The following DNAH14 variants were observed in gnomAD, a reference collection of about 807,000 sequenced individuals.
The protein encoded by DNAH14 is dynein axonemal heavy chain 14.
In DNAH14, 478 loss-of-function variants were observed where a neutral mutation model predicts 520.9. The observed-to-expected ratio is 0.92, with a 90% CI of 0.85 to 0.99. The LOEUF (loss-of-function observed/expected upper bound fraction) is 0.99, where lower values mean the gene tolerates loss of function less well. DNAH14 is among the 50% of genes least tolerant of loss of function. The pLI is 0.00. For synonymous variants in DNAH14, 1,581 were observed against 1,757.2 expected (o/e 0.90, Z 2.51); for missense variants, 4,831 against 5,234.5 (o/e 0.92, Z 2.38).
intron 9 of DNAH14, among the ~76,000 whole-genome samples, chr1:225,003,147 A>G (rs1289848753): frequency 1.3e-5 from 2 of 152,040 alleles, no homozygotes; most frequent in African/African-American, 2.4e-5. Flanking sequence ...ACCTAAGTCT[A>G]TAAGACCCTT....
At chr1:225,022,180 AC>A (rs2065758814) in intron 10 of DNAH14, among the ~76,000 whole-genome samples, 2 of 152,206 alleles carry the variant, frequency 1.3e-5, no homozygotes, top group South Asian at 4.1e-4. Context: ...ACCATTCTGG[AC>A]ATCAACCTTG....
intron 9 of DNAH14, among the ~76,000 whole-genome samples, 180 bp from the exon 10 acceptor site, chr1:225,007,233 C>T (rs1002626904): frequency 6.6e-6 from 1 of 152,096 alleles, no homozygotes; most frequent in African/African-American, 2.4e-5. Flanking sequence ...GTATTTTAAT[C>T]AAGATTTAGT....
chr1:225,368,045 T>A lies in DNAH14; in HGVS notation c.12318+13T>A. ...TTCAGACTTGGGGGTAAGTGTAGTC[T>A]CTTCAAACAAACAACAAATAAGTAA... On this transcript the variant is annotated intron_variant, in intron 77 of 85. Transcript: ENST00000682510. 1 of 1,525,422 alleles carries A rather than the reference T, an allele frequency of 6.6e-7. No homozygotes were observed. Among genetic ancestry groups the A allele is most frequent in the Non-Finnish European group, 8.8e-7 (1 of 1,131,716 alleles). 94.5% of individuals were successfully genotyped at this position (1,525,422 alleles called of 1,614,324 possible).
At chr1:225,290,645 GTGTATATATATATATATATATATA>G (rs1334782625) in intron 55 of DNAH14, among the ~76,000 whole-genome samples, 1 of 40,582 alleles carries the variant, frequency 2.5e-5, no homozygotes, top group African/African-American at 1.3e-4. Flanking sequence ...GTGTGTGTGT[GTGTATATATATATATATATATATA>G]TATATATATA....
intron 21 of DNAH14, among the ~76,000 whole-genome samples, chr1:225,092,787 GA>G (rs200075340): frequency 0.053 from 7,976 of 150,324 alleles, 315 homozygotes; most frequent in Non-Finnish European, 0.078. Flanking sequence ...ACAATCATAA[GA>G]AAAAAAAATA....
chr1:225,288,144 A>G (rs534952938), intron 54 of DNAH14, among the ~76,000 whole-genome samples: 1 of 152,124 alleles, frequency 6.6e-6, no homozygotes, highest in African/African-American at 2.4e-5. Flanking sequence ...GGAAGGGGGA[A>G]AAAAGAGTAA....
chr1:225,094,305 G>C (rs2074681658), intron 21 of DNAH14, among the ~76,000 whole-genome samples: 1 of 152,078 alleles, frequency 6.6e-6, no homozygotes, highest in Non-Finnish European at 1.5e-5. Context: ...ACAGAATAGA[G>C]AGCCCAGAAA....
chr1:225,137,464 T>C (rs941456945), intron 27 of DNAH14, among the ~76,000 whole-genome samples: 4 of 152,180 alleles, frequency 2.6e-5, no homozygotes, highest in African/African-American at 9.6e-5. Flanking sequence ...CTAGTCATTC[T>C]CCTGCCTCAG....
At position 225,266,763 on chromosome 1, in the gene DNAH14, A is replaced by G. The variant is rs747403441; in HGVS notation, c.7533A>G (p.Thr2511=). ...GAGTTTATGATACTGAAAAAAATAC[A>G]TGGAAGGTACAGTATATACTAAGAT... ...LGGVYDTEKN[T]WKNIQDLSIV... The change falls in exon 49 of 86, where the codon ACA becomes ACG. Residue 2511 remains threonine (T), a synonymous_variant. Coordinates refer to ENST00000682510, the MANE Select transcript of DNAH14 (RefSeq NM_001367479.1). The G allele has an allele frequency of 2.3e-5, 34 of 1,508,074 alleles. No homozygotes were observed. The highest frequency in any genetic ancestry group is 1.1e-4 in the African/African-American group (8 of 70,362). 93.4% of individuals were successfully genotyped at this position (1,508,074 alleles called of 1,614,324 possible).
Position 225,307,700 on chromosome 1 carries a change from A to T in DNAH14, c.9114+131A>T, listed in dbSNP as rs544633081. 6.7e-6 allele frequency: 4 copies of T among 597,322 alleles called. No individual in the cohort carries two copies. In the South Asian group the frequency reaches 1.4e-4, roughly 21 times the overall value. 37.0% of individuals were successfully genotyped at this position (597,322 alleles called of 1,614,324 possible). A position where few individuals can be genotyped will look rare whatever the true frequency, so the allele number is the denominator to read the frequency against. ...TTTGTTACCCTATAGTTGTGTACAC[A>T]TGAAAAAAATAGCTTGTTTTTTTAG... On this transcript the variant is annotated intron_variant, in intron 59 of 85. Transcript: ENST00000682510.
chr1:225,126,655 C>T (rs1048531547), intron 27 of DNAH14, among the ~76,000 whole-genome samples: 9 of 152,064 alleles, frequency 5.9e-5, no homozygotes, highest in Non-Finnish European at 1.2e-4. Context: ...TTTCAAAAAA[C>T]CAGCTCCTGG....
intron 34 of DNAH14, among the ~76,000 whole-genome samples, chr1:225,155,621 G>A (rs1053529752): frequency 1.1e-4 from 17 of 152,200 alleles, no homozygotes; most frequent in African/African-American, 3.9e-4. Context: ...TTCAGTGAAA[G>A]TAGTACTGCT....
intron 15 of DNAH14, among the ~76,000 whole-genome samples, chr1:225,046,390 A>T (rs192505189): frequency 3.0e-4 from 45 of 152,236 alleles, no homozygotes; most frequent in Non-Finnish European, 4.4e-5. Flanking sequence ...ATCATATTAT[A>T]AAAACATTCT....
At chr1:224,988,171 G>A (rs919924328) in intron 8 of DNAH14, among the ~76,000 whole-genome samples, 3 of 151,868 alleles carry the variant, frequency 2.0e-5, no homozygotes, top group Non-Finnish European at 2.9e-5. Flanking sequence ...TTTTTCCTGC[G>A]TTAGTTTGCT....
intron 10 of DNAH14, among the ~76,000 whole-genome samples, chr1:225,012,764 C>G (rs938647109): frequency 6.6e-6 from 1 of 152,088 alleles, no homozygotes; most frequent in Non-Finnish European, 1.5e-5. Flanking sequence ...GCTGTTGATG[C>G]TTGTGTATGC....
chr1:225,340,794 C>A lies in DNAH14; in HGVS notation c.10678+93C>A, dbSNP rs1480174361. ...AAATTTTGAATTTGAGCCAAAAATACCAAATCTCCATTTCCACCAGGTAAC... is the reference window on the plus strand; with the variant it reads ...AAATTTTGAATTTGAGCCAAAAATAACAAATCTCCATTTCCACCAGGTAAC... On this transcript the variant is annotated intron_variant, in intron 69 of 85. Coordinates refer to ENST00000682510, the MANE Select transcript of DNAH14 (RefSeq NM_001367479.1). 11 of 1,354,504 alleles carry A rather than the reference C, an allele frequency of 8.1e-6. No homozygotes were observed. In the East Asian group the frequency reaches 2.8e-4, roughly 34 times the overall value. 83.9% of individuals were successfully genotyped at this position (1,354,504 alleles called of 1,614,324 possible).
At chr1:225,048,131 A>G (rs562730026) in intron 15 of DNAH14, among the ~76,000 whole-genome samples, 46 of 152,246 alleles carry the variant, frequency 3.0e-4, no homozygotes, top group African/African-American at 1.0e-3. Flanking sequence ...TTGTTATGGC[A>G]TTTCCATAAT....
In DNAH14 at chr1:225,049,047, A is replaced by ATTTTTTTTT. The variant is rs71170051; in HGVS notation, c.1913-1141_1913-1133dup. 2.3e-4 allele frequency among the ~76,000 whole-genome samples: 13 copies of ATTTTTTTTT among 56,304 alleles called. 4 individuals carry two copies. The highest frequency in any genetic ancestry group is 1.1e-3 in the African/African-American group (13 of 12,088). 36.9% of individuals were successfully genotyped at this position (56,304 alleles called of 152,430 possible). On this transcript the variant is annotated intron_variant, in intron 15 of 85. Transcript: ENST00000682510. ...AAATGTCTTTTTAGATCTCTTGCCT[A>ATTTTTTTTT]TTTTTTTTTTTTTTTTTTTTTTTTT...
chr1:225,216,186 T>C (rs1371958534), intron 41 of DNAH14, among the ~76,000 whole-genome samples: 4 of 152,246 alleles, frequency 2.6e-5, no homozygotes, highest in Admixed American at 2.6e-4. Context: ...AAATTCTGGG[T>C]TGAAAATTCT....
Sources: allele counts gnomAD v4.1 joint callset (sites outside exome capture counted in the v4.1 genomes callset), GRCh38; gene constraint gnomAD v4.1.1; transcripts MANE v1.5; gene names NCBI Gene and HGNC (gene_info 2026-07-23, HGNC 2026-07-21).